Variants in NPTN observed in about 807,000 individuals in gnomAD.
NPTN encodes neuroplastin, also known as SDR-1.
Under a neutral mutation model 42.7 loss-of-function variants are expected in NPTN, and 5 were observed. The observed-to-expected ratio is 0.12, with a 90% CI of 0.06 to 0.25. NPTN has a LOEUF of 0.25. Among genes scored for constraint, NPTN ranks in the 10% least tolerant of loss-of-function variants. The pLI is 1.00. For missense variants in NPTN, 307 were observed against 525.4 expected (o/e 0.58, Z 4.06); for synonymous variants, 180 against 201.9 (o/e 0.89, Z 0.92).
intron 1 of NPTN, among the ~76,000 whole-genome samples, chr15:73,622,154 A>C (rs1898164567): frequency 6.6e-6 from 1 of 152,152 alleles, no homozygotes; most frequent in African/African-American, 2.4e-5. Flanking sequence ...CCATCTCTGA[A>C]AACAAACAAA....
chr15:73,618,092 A>G (rs955851984), intron 1 of NPTN, among the ~76,000 whole-genome samples: 2 of 152,214 alleles, frequency 1.3e-5, no homozygotes, highest in Non-Finnish European at 2.9e-5. Flanking sequence ...TCTGCAGGGA[A>G]GCAAGTACCA....
intron 2 of NPTN, among the ~76,000 whole-genome samples, chr15:73,592,876 C>T (rs1341106096): frequency 6.6e-6 from 1 of 152,156 alleles, no homozygotes; most frequent in Non-Finnish European, 1.5e-5. Flanking sequence ...TATGGGCTCC[C>T]AGAATTTTAG....
intron 1 of NPTN, among the ~76,000 whole-genome samples, chr15:73,607,491 A>G (rs1230364725): frequency 6.6e-6 from 1 of 152,236 alleles, no homozygotes; most frequent in East Asian, 1.9e-4. Flanking sequence ...TGATAGTCTA[A>G]GTATAATCTA....
At chr15:73,581,644 A>C (rs1462399819) in intron 4 of NPTN, among the ~76,000 whole-genome samples, 3 of 152,142 alleles carry the variant, frequency 2.0e-5, no homozygotes, top group Non-Finnish European at 4.4e-5. Flanking sequence ...CATGTTCCTT[A>C]GTACCCTCTG....
At chr15:73,585,570 G>C (rs1037284928) in intron 4 of NPTN, among the ~76,000 whole-genome samples, 1 of 152,182 alleles carries the variant, frequency 6.6e-6, no homozygotes, top group African/African-American at 2.4e-5. Flanking sequence ...CCATAACTGG[G>C]AAGACAAGAC....
At chr15:73,609,534 G>C (rs1300998894) in intron 1 of NPTN, among the ~76,000 whole-genome samples, 1 of 152,218 alleles carries the variant, frequency 6.6e-6, no homozygotes, top group African/African-American at 2.4e-5. Context: ...GGGTGGCTGA[G>C]GCAGGAGAAT....
intron 1 of NPTN, among the ~76,000 whole-genome samples, chr15:73,629,468 G>A (rs1056953047): frequency 6.6e-6 from 1 of 151,530 alleles, no homozygotes; most frequent in Non-Finnish European, 1.5e-5. Context: ...CTAAACCACT[G>A]AAGCAAACAG....
chr15:73,626,097 T>C (rs1348468331), intron 1 of NPTN, among the ~76,000 whole-genome samples: 1 of 152,216 alleles, frequency 6.6e-6, no homozygotes, highest in African/African-American at 2.4e-5. Context: ...AACTCATATA[T>C]AGAAAACAAA....
intron 1 of NPTN, among the ~76,000 whole-genome samples, chr15:73,612,703 G>A (rs1012269870): frequency 2.0e-5 from 3 of 152,122 alleles, no homozygotes; most frequent in Non-Finnish European, 2.9e-5. Context: ...CCGGGAGGCG[G>A]AGCTTGCAGT....
chr15:73,596,936 G>T, intron 2 of NPTN, 86 bp downstream of exon 2: 1 of 1,105,392 alleles, frequency 9.0e-7, no homozygotes, highest in Non-Finnish European at 1.3e-6. Flanking sequence ...GATCATACTG[G>T]GGAAGAGGGA....
At chr15:73,602,934 C>A (rs571865049) in intron 1 of NPTN, among the ~76,000 whole-genome samples, 130 of 152,304 alleles carry the variant, frequency 8.5e-4, no homozygotes, top group African/African-American at 3.0e-3. Context: ...GAAATTATAC[C>A]ATTCAAAATG....
chr15:73,581,510 T>TG (rs1325171695), intron 4 of NPTN, among the ~76,000 whole-genome samples: 1 of 152,214 alleles, frequency 6.6e-6, no homozygotes, highest in African/African-American at 2.4e-5. Context: ...CACTGGTTAA[T>TG]GGCTATCCCT....
At chr15:73,625,427 G>A (rs937845462) in intron 1 of NPTN, among the ~76,000 whole-genome samples, 6 of 151,740 alleles carry the variant, frequency 4.0e-5, no homozygotes, top group East Asian at 1.9e-4. Context: ...CTCGGCTCCC[G>A]GGTTCACGCC....
At chr15:73,630,510 T>G (rs908015113) in intron 1 of NPTN, among the ~76,000 whole-genome samples, 3 of 152,244 alleles carry the variant, frequency 2.0e-5, no homozygotes, top group African/African-American at 7.2e-5. Flanking sequence ...AAAATCCATC[T>G]GAATGAAAGC....
chr15:73,587,395 G>A, intron 4 of NPTN, 129 bp downstream of exon 4: 1 of 669,632 alleles, frequency 1.5e-6, no homozygotes, highest in South Asian at 1.9e-5. Context: ...TGAGCCTGTG[G>A]CCTAACCACA....
rs78252846 is a variant in NPTN, at chr15:73,608,387, A to G, written c.92-11018T>C. 2.5e-3 allele frequency among the ~76,000 whole-genome samples: 388 copies of G among 152,336 alleles called. 1 individual carries two copies. The highest frequency in any genetic ancestry group is 4.1e-3 in the Non-Finnish European group (279 of 68,014). ...ATACCTAGAAAGCTCATGCATTGAA[A>G]TCTAAATCTAGCCTTGTCAGTTGCG... On this transcript the variant is annotated intron_variant, in intron 1 of 8. Coordinates refer to ENST00000345330, the MANE Select transcript of NPTN (RefSeq NM_012428.4).
At chr15:73,618,149 T>C (rs972540515) in intron 1 of NPTN, among the ~76,000 whole-genome samples, 3 of 152,262 alleles carry the variant, frequency 2.0e-5, no homozygotes, top group Admixed American at 6.5e-5. Context: ...CCTGGAATTC[T>C]TTCTGCCTCG....
In NPTN at chr15:73,570,135, T is replaced by C. The variant is rs756239466; in HGVS notation, c.1114+15A>G. On this transcript the variant is annotated intron_variant, in intron 6 of 8. Coordinates refer to ENST00000345330, the MANE Select transcript of NPTN (RefSeq NM_012428.4). The surrounding 1 kb of genome is among the most constrained non-coding windows in gnomAD (Gnocchi z 4.0). ...CAACCCCAGCAGTACAGCTATTTTG[T>C]AGGGATGCTCTTACCGTCAGGAACC... 1.5e-5 allele frequency: 24 copies of C among 1,588,054 alleles called. No homozygotes were observed. In the Admixed American group the frequency reaches 4.1e-4, roughly 27 times the overall value.
chr15:73,623,706 A>G (rs1175936923), intron 1 of NPTN, among the ~76,000 whole-genome samples: 3 of 152,190 alleles, frequency 2.0e-5, no homozygotes, highest in African/African-American at 7.2e-5. Flanking sequence ...CAAACAACAG[A>G]AAAACACACT....
Sources: gnomAD v4.1 joint callset for allele counts (sites outside exome capture counted in the v4.1 genomes callset) on GRCh38, gnomAD v4.1.1 for gene constraint, Gnocchi (gnomAD v3.1) non-coding constraint, MANE v1.5 for transcripts, NCBI Gene and HGNC (gene_info 2026-07-23, HGNC 2026-07-21) for gene names.